Variants in TTLL4 observed in about 807,000 individuals in gnomAD.
TTLL4 encodes tubulin tyrosine ligase like 4.
In TTLL4, 85 loss-of-function variants were observed where a neutral mutation model predicts 122.7. That is an observed-to-expected ratio of 0.69 (90% CI 0.58 to 0.83). TTLL4 has a LOEUF of 0.83. Among genes scored for constraint, TTLL4 ranks in the 40% least tolerant of loss-of-function variants. The probability of loss-of-function intolerance (pLI) is 0.00; values close to 1 mark genes in which losing one functional copy is unlikely to be tolerated. For missense variants in TTLL4, 1,363 were observed against 1,488.6 expected (o/e 0.92, Z 1.39); for synonymous variants, 553 against 563.0 (o/e 0.98, Z 0.25).
Position 218,750,198 on chromosome 2 carries a change from A to G in TTLL4, c.2873+52A>G, listed in dbSNP as rs370672528. 39 of 1,589,260 alleles carry G rather than the reference A, an allele frequency of 2.5e-5. No individual in the cohort carries two copies. In the African/African-American group the frequency reaches 4.7e-4, roughly 19 times the overall value. On this transcript the variant is annotated intron_variant, in intron 15 of 19. Transcript: ENST00000392102. ...TGCTGGCAGCATGAGTAGCCCTGCTATAGTTTCTGGGAAGGAATGGGTTCT... is the reference window on the plus strand; with the variant it reads ...TGCTGGCAGCATGAGTAGCCCTGCTGTAGTTTCTGGGAAGGAATGGGTTCT...
intron 2 of TTLL4, among the ~76,000 whole-genome samples, chr2:218,730,511 GTAAA>G (rs765944381): frequency 2.7e-5 from 4 of 150,762 alleles, no homozygotes; most frequent in Non-Finnish European, 5.9e-5. Flanking sequence ...CTGTCTCAAA[GTAAA>G]TAAATAAATA....
intron 2 of TTLL4, among the ~76,000 whole-genome samples, chr2:218,736,762 C>A (rs1328504910): frequency 6.6e-6 from 1 of 152,128 alleles, no homozygotes; most frequent in Admixed American, 6.6e-5. Flanking sequence ...CTGAACTTGT[C>A]CTATTTAACC....
chr2:218,746,292 A>T (rs573765231), intron 8 of TTLL4, 61 bp downstream of exon 8: 5 of 1,537,638 alleles, frequency 3.3e-6, no homozygotes, highest in African/African-American at 1.4e-5. Context: ...GAGGAGGGGG[A>T]TGATGTGAGT....
intron 2 of TTLL4, chr2:218,727,925 A>T (rs572733174): frequency 6.6e-6 from 1 of 152,198 alleles, no homozygotes; most frequent in South Asian, 2.1e-4. Context: ...CTGAAGGATT[A>T]TTTATTCCAG....
At chr2:218,713,158 C>G (rs565086650) in intron 1 of TTLL4, among the ~76,000 whole-genome samples, 2 of 152,070 alleles carry the variant, frequency 1.3e-5, no homozygotes, top group Admixed American at 6.6e-5. Context: ...GCAGGCTGAT[C>G]GCTTGAGACC....
chr2:218,751,887 CTTTTTTTTTTTCTTTTCTTTTTCT>C, intron 16 of TTLL4, 81 bp downstream of exon 16: 3 of 453,882 alleles, frequency 6.6e-6, no homozygotes, highest in Non-Finnish European at 1.0e-5. Flanking sequence ...AACAGCTTTT[CTTTTTTTTTTTCTTTTCTTTTTCT>C]TTTTTTTTTT....
intron 4 of TTLL4, 54 bp downstream of exon 4, chr2:218,740,221 C>A: frequency 6.5e-7 from 1 of 1,543,050 alleles, no homozygotes; most frequent in Non-Finnish European, 8.9e-7. Context: ...ACCTGTTGGG[C>A]AGGGGGCTGA....
chr2:218,740,204 G>C (rs775054927), intron 4 of TTLL4, 37 bp downstream of exon 4: 2 of 1,598,444 alleles, frequency 1.3e-6, no homozygotes, highest in East Asian at 4.5e-5. Context: ...ACTAGGAGTT[G>C]GTTATGACCT....
chr2:218,737,742 T>A lies in TTLL4; in HGVS notation c.66T>A (p.Ser22Arg). 1 of 1,613,818 alleles carries A rather than the reference T, an allele frequency of 6.2e-7. No homozygotes were observed. Among genetic ancestry groups the A allele is most frequent in the Non-Finnish European group, 8.5e-7 (1 of 1,179,912 alleles). The change falls in exon 3 of 20, where the codon AGT becomes AGA. Residue 22 changes from serine (S) to arginine (R), a missense_variant. This residue lies in a region of TTLL4 where 760 missense variants were observed against 808.4 expected (regional missense o/e 0.94). Coordinates refer to ENST00000392102, the MANE Select transcript of TTLL4 (RefSeq NM_014640.5). ...GLRQKNSFKQ[S>R]GPSGTVPATP... ...GCCAGAAAAACAGCTTCAAGCAGAG[T>A]GGTCCCTCAGGCACAGTACCTGCCA...
At chr2:218,723,579 A>G (rs1942104972) in intron 1 of TTLL4, among the ~76,000 whole-genome samples, 1 of 152,180 alleles carries the variant, frequency 6.6e-6, no homozygotes, top group South Asian at 2.1e-4. Context: ...AAGATGATGC[A>G]TTTTTGTTTG....
rs979339807 is a variant in TTLL4 at position 218,737,860 on chromosome 2, A to T, written c.184A>T (p.Thr62Ser). Residue 62 changes from threonine to serine, a missense_variant, in exon 3 of 20, where the codon ACA becomes TCA. Coordinates refer to ENST00000392102, the MANE Select transcript of TTLL4 (RefSeq NM_014640.5). ...IWKLEKKQVE[T>S]LSAGLGPGLL... ...GAAGCTGGAAAAGAAGCAAGTGGAG[A>T]CACTGTCAGCAGGGTTGGGCCCAGG... 3.7e-6 allele frequency: 6 copies of T among 1,614,194 alleles called. No homozygotes were observed. Among genetic ancestry groups the T allele is most frequent in the Non-Finnish European group, 5.1e-6 (6 of 1,180,034 alleles).
intron 1 of TTLL4, among the ~76,000 whole-genome samples, chr2:218,712,938 G>T (rs1378301393): frequency 6.6e-6 from 1 of 152,174 alleles, no homozygotes. Context: ...TCTTTGTTAA[G>T]ATATTCTGAA....
chr2:218,731,044 C>G (rs999202342), intron 2 of TTLL4, among the ~76,000 whole-genome samples: 12 of 151,874 alleles, frequency 7.9e-5, no homozygotes, highest in Non-Finnish European at 1.6e-4. Context: ...CCCAGGAGTC[C>G]TAGGCTGCAG....
intron 1 of TTLL4, among the ~76,000 whole-genome samples, chr2:218,720,668 C>T (rs115010685): frequency 0.036 from 5,176 of 144,728 alleles, 299 homozygotes; most frequent in African/African-American, 0.13. Context: ...AGTGAGACTC[C>T]GGTCTCAAAA....
intron 2 of TTLL4, among the ~76,000 whole-genome samples, chr2:218,729,902 T>A (rs1942316990): frequency 6.6e-6 from 1 of 152,026 alleles, no homozygotes; most frequent in African/African-American, 2.4e-5. Context: ...ACTACAGGCT[T>A]GTGCTAATTT....
chr2:218,727,908 C>G (rs78840753), intron 2 of TTLL4: 1 of 152,148 alleles, frequency 6.6e-6, no homozygotes, highest in African/African-American at 2.4e-5. Context: ...ATGTGTATGT[C>G]TTTACACTGA....
chr2:218,716,799 A>G (rs986702930), intron 1 of TTLL4, among the ~76,000 whole-genome samples: 6 of 152,130 alleles, frequency 3.9e-5, no homozygotes, highest in African/African-American at 1.4e-4. Context: ...AAAAGAAAAA[A>G]AAAATTTACA....
In TTLL4 at chr2:218,747,514, G is replaced by A. The variant is rs1942878954; in HGVS notation, c.2250-83G>A. On this transcript the variant is annotated intron_variant, in intron 10 of 19. Coordinates refer to ENST00000392102, the MANE Select transcript of TTLL4 (RefSeq NM_014640.5). This position sits in a 1 kb window ranked among gnomAD's most constrained non-coding sequence, Gnocchi z 4.7. The stretch of plus-strand genomic sequence containing the variant: ...TTCTAAGGTCTTTATCTTGGGGACT[G>A]TTAGCTGGCTTTTCCTGTGGCTTGG... 2 of 1,584,400 alleles carry A rather than the reference G, an allele frequency of 1.3e-6. No individual in the cohort carries two copies. The highest frequency in any genetic ancestry group is 1.4e-5 in the African/African-American group (1 of 74,044).
Position 218,716,516 on chromosome 2 carries a change from G to A in TTLL4, c.-178+5479G>A, listed in dbSNP as rs528434160. ...TAATTTACACTGTGTCGGGCTGGGC[G>A]CAGTGGCTCACGCCTGTAATCCCAG... On this transcript the variant is annotated intron_variant, in intron 1 of 19. Coordinates refer to ENST00000392102, the MANE Select transcript of TTLL4 (RefSeq NM_014640.5). Among the ~76,000 whole-genome samples, 761 of 152,310 alleles carry A rather than the reference G, an allele frequency of 5.0e-3. 5 individuals carry two copies. Among genetic ancestry groups the A allele is most frequent in the South Asian group, 0.018 (87 of 4,830 alleles).
Sources: allele counts gnomAD v4.1 joint callset (sites outside exome capture counted in the v4.1 genomes callset), GRCh38; gene constraint gnomAD v4.1.1; regional missense constraint gnomAD v4.1.1; non-coding constraint Gnocchi (gnomAD v3.1); transcripts MANE v1.5; gene names NCBI Gene and HGNC (gene_info 2026-07-23, HGNC 2026-07-21).